The following RXRA variants were observed in gnomAD, a reference collection of about 807,000 sequenced individuals.
The protein encoded by RXRA is retinoid X receptor alpha, also known as retinoic acid receptor RXR-alpha.
A neutral mutation model predicts 44.5 loss-of-function variants in RXRA; 5 were observed. That is an observed-to-expected ratio of 0.11 (90% CI 0.06 to 0.24). The LOEUF (loss-of-function observed/expected upper bound fraction) is 0.24. Ranked by LOEUF, RXRA falls within the 10% of genes least tolerant of loss-of-function variation. The pLI is 1.00. For missense variants in RXRA, 412 were observed against 646.5 expected, an observed-to-expected ratio of 0.64 and a Z score of 3.93; for synonymous variants, 291 against 271.4, an observed-to-expected ratio of 1.07 and a Z score of -0.71.
chr9:134,372,656 C>T (rs939311887), intron 1 of RXRA, among the ~76,000 whole-genome samples: 5 of 152,170 alleles, frequency 3.3e-5, no homozygotes, highest in African/African-American at 9.7e-5. Flanking sequence ...CCCACTGACC[C>T]GCCTTGGGGC....
At chr9:134,432,278 G>A (rs915081897) in intron 8 of RXRA, among the ~76,000 whole-genome samples, 1 of 152,238 alleles carries the variant, frequency 6.6e-6, no homozygotes. Flanking sequence ...GGTTCATAGT[G>A]TTCATCACTG....
At chr9:134,340,719 G>T (rs1438847590) in intron 1 of RXRA, among the ~76,000 whole-genome samples, 1 of 152,240 alleles carries the variant, frequency 6.6e-6, no homozygotes, top group Non-Finnish European at 1.5e-5. Flanking sequence ...TGAGCAGGTA[G>T]ATTGGATGTG....
At chr9:134,434,415 C>T (rs536863536) in intron 9 of RXRA, among the ~76,000 whole-genome samples, 14 of 152,292 alleles carry the variant, frequency 9.2e-5, no homozygotes, top group Non-Finnish European at 1.3e-4. Flanking sequence ...CGTATCCCCA[C>T]TGGAAGGATT....
intron 4 of RXRA, among the ~76,000 whole-genome samples, chr9:134,414,590 C>T (rs777013749): frequency 2.6e-5 from 4 of 152,244 alleles, no homozygotes; most frequent in Non-Finnish European, 4.4e-5. Context: ...GTTGTCGGAT[C>T]CCAGGGCCTG....
At chr9:134,414,849 G>T (rs1831208584) in intron 4 of RXRA, among the ~76,000 whole-genome samples, 1 of 152,156 alleles carries the variant, frequency 6.6e-6, no homozygotes, top group African/African-American at 2.4e-5. Context: ...GCTCAGCGTG[G>T]GTGGGGTCGG....
chr9:134,338,390 C>T (rs1472778320), intron 1 of RXRA, among the ~76,000 whole-genome samples: 4 of 152,254 alleles, frequency 2.6e-5, no homozygotes, highest in East Asian at 1.9e-4. Context: ...CTGCAGGACA[C>T]AGGCCACTTC....
intron 1 of RXRA, among the ~76,000 whole-genome samples, chr9:134,368,911 TTG>T (rs200142850): frequency 2.1e-3 from 199 of 94,196 alleles, no homozygotes; most frequent in Non-Finnish European, 3.0e-3. Flanking sequence ...TGTGTGGGGG[TTG>T]TGTGTGTGTG....
chr9:134,403,780 G>T (rs55741594), intron 2 of RXRA: 1,736 of 152,590 alleles, frequency 0.011, 13 homozygotes, highest in Non-Finnish European at 0.017. Context: ...GTAGGGACTT[G>T]TTGAAGCCAA....
chr9:134,431,088 C>T (rs1184025491), intron 7 of RXRA, among the ~76,000 whole-genome samples: 2 of 152,248 alleles, frequency 1.3e-5, no homozygotes, highest in Non-Finnish European at 2.9e-5. Flanking sequence ...GCCCTTGGCC[C>T]ACAGGGGAGA....
rs754147467 is a variant in RXRA, at chr9:134,371,800, C to T, written c.29-29832C>T. ...GGGCCACAGGGCAGCCATGGGTGCGCGAGTGCAGGGCCGGGCCTGTCTCCT... is the reference window on the plus strand; with the variant it reads ...GGGCCACAGGGCAGCCATGGGTGCGTGAGTGCAGGGCCGGGCCTGTCTCCT... On this transcript the variant is annotated intron_variant, in intron 1 of 9. Coordinates refer to ENST00000481739, the MANE Select transcript of RXRA (RefSeq NM_002957.6). Among the ~76,000 whole-genome samples the T allele has an allele frequency of 4.6e-5, 7 of 152,146 alleles. No individual in the cohort carries two copies. The East Asian group carries it at 5.8e-4, about 13-fold the overall frequency.
rs989777773 is a variant in RXRA, at chr9:134,435,744, C to T, written c.1242-723C>T. Among the ~76,000 whole-genome samples the T allele has an allele frequency of 5.3e-5, 8 of 152,326 alleles. 1 individual carries two copies. The highest frequency in any genetic ancestry group is 3.9e-4 in the East Asian group (2 of 5,186). On this transcript the variant is annotated intron_variant, in intron 9 of 9. Transcript: ENST00000481739. ...TGCCCACCATGTGCCGGGCCTGTTCCCTGCGACTCACCAGTGTGCTCAGCA... is the reference window on the plus strand; with the variant it reads ...TGCCCACCATGTGCCGGGCCTGTTCTCTGCGACTCACCAGTGTGCTCAGCA...
chr9:134,425,438 A>G, intron 6 of RXRA: 1 of 984,080 alleles, frequency 1.0e-6, no homozygotes, highest in Non-Finnish European at 1.2e-6. Context: ...CCTCCTTCCC[A>G]CCTGCCCCCT....
At chr9:134,425,063 T>C (rs556753077) in intron 6 of RXRA, 34 of 985,422 alleles carry the variant, frequency 3.5e-5, no homozygotes, top group Non-Finnish European at 2.5e-5. Context: ...TGAGAGCCAT[T>C]GGCCATGCAG....
intron 7 of RXRA, among the ~76,000 whole-genome samples, chr9:134,429,669 G>A (rs1434849772): frequency 6.6e-6 from 1 of 152,180 alleles, no homozygotes. Context: ...GTGCAGGCAG[G>A]GGTGTCGGGA....
intron 1 of RXRA, among the ~76,000 whole-genome samples, chr9:134,344,275 C>T (rs1251549043): frequency 6.6e-6 from 1 of 152,122 alleles, no homozygotes; most frequent in African/African-American, 2.4e-5. Context: ...TGTGTCTCCT[C>T]CCTGGGTGGA....
In RXRA at chr9:134,426,120, A is replaced by G. The variant is rs1278755985; in HGVS notation, c.911-2988A>G. Reference sequence around the variant, plus strand: ...AAGGGCCAGCCTCTTGAGTTGGAGGACATAGTGACCAAGGGAGCAGCCCCA... The same window carrying G: ...AAGGGCCAGCCTCTTGAGTTGGAGGGCATAGTGACCAAGGGAGCAGCCCCA... On this transcript the variant is annotated intron_variant, in intron 6 of 9. Transcript: ENST00000481739. The surrounding 1 kb of genome is among the most constrained non-coding windows in gnomAD (Gnocchi z 4.6). 9.1e-6 allele frequency: 9 copies of G among 985,296 alleles called. No individual in the cohort carries two copies. The highest frequency in any genetic ancestry group is 1.7e-5 in the African/African-American group (1 of 57,232). The allele number at this position is 985,296 out of a possible 1,614,324, so 61.0% of individuals were successfully genotyped here. A position where few individuals can be genotyped will look rare whatever the true frequency, so the allele number is the denominator to read the frequency against.
chr9:134,428,013 T>C (rs1831462639), intron 6 of RXRA, among the ~76,000 whole-genome samples: 1 of 152,090 alleles, frequency 6.6e-6, no homozygotes, highest in Non-Finnish European at 1.5e-5. Context: ...ACTGTGTGAC[T>C]GCAGGTGATT....
chr9:134,440,309 G>A lies in RXRA; in HGVS notation c.*3695G>A, dbSNP rs995079820. ...CGCCGCAATGGGGGTGTCTTCCCTCGGGGCAGGAGGGTGGGCCTGAGGCTT... is the reference window on the plus strand; with the variant it reads ...CGCCGCAATGGGGGTGTCTTCCCTCAGGGCAGGAGGGTGGGCCTGAGGCTT... On this transcript the variant is annotated 3_prime_UTR_variant, in exon 10 of 10. Transcript: ENST00000481739. 3.3e-5 allele frequency: 5 copies of A among 152,270 alleles called. No homozygotes were observed. Among genetic ancestry groups the A allele is most frequent in the African/African-American group, 4.8e-5 (2 of 41,408 alleles). The allele number at this position is 152,270 out of a possible 1,614,324, so 9.4% of individuals were successfully genotyped here. A position where few individuals can be genotyped will look rare whatever the true frequency, so the allele number is the denominator to read the frequency against.
At chr9:134,420,756 C>T (rs1428331615) in intron 5 of RXRA, among the ~76,000 whole-genome samples, 5 of 152,228 alleles carry the variant, frequency 3.3e-5, no homozygotes, top group African/African-American at 4.8e-5. Context: ...TCCCATTGCT[C>T]AGGACACAGA....
Sources: allele counts gnomAD v4.1 joint callset (sites outside exome capture counted in the v4.1 genomes callset), GRCh38; gene constraint gnomAD v4.1.1; non-coding constraint Gnocchi (gnomAD v3.1); transcripts MANE v1.5; gene names NCBI Gene and HGNC (gene_info 2026-07-23, HGNC 2026-07-21).